Variants in ZNF442 observed in about 807,000 individuals in gnomAD.
The protein encoded by ZNF442 is zinc finger protein 442.
ZNF442 carries 45 observed loss-of-function variants against 57.0 expected under a neutral mutation model. The ratio of observed to expected loss-of-function variants is 0.79; its 90% CI spans 0.62 to 1.01. The LOEUF (loss-of-function observed/expected upper bound fraction) is 1.01. ZNF442 is among the 50% of genes least tolerant of loss of function. The pLI is 0.00. For missense variants in ZNF442, 690 were observed against 756.5 expected, an observed-to-expected ratio of 0.91 and a Z score of 1.03; for synonymous variants, 213 against 241.8, an observed-to-expected ratio of 0.88 and a Z score of 1.10.
chr19:12,355,606 G>A lies in ZNF442; in HGVS notation c.79-2492C>T, dbSNP rs901784559. 7.3e-5 allele frequency among the ~76,000 whole-genome samples: 11 copies of A among 150,192 alleles called. 1 individual carries two copies. The highest frequency in any genetic ancestry group is 1.7e-4 in the African/African-American group (7 of 41,126). Reference sequence around the variant, plus strand: ...GAACTCCTGACCTCGTGATCTGCCCGCCTCAGCCTCCCAAAGTGCTGGGAT... The same window carrying A: ...GAACTCCTGACCTCGTGATCTGCCCACCTCAGCCTCCCAAAGTGCTGGGAT... On this transcript the variant is annotated intron_variant, in intron 3 of 5. Transcript: ENST00000242804.
At chr19:12,361,953 C>T (rs548152476) in intron 3 of ZNF442, among the ~76,000 whole-genome samples, 1 of 152,218 alleles carries the variant, frequency 6.6e-6, no homozygotes, top group African/African-American at 2.4e-5. Flanking sequence ...AGCTCCTAAC[C>T]GCGAGTGATC....
intron 4 of ZNF442, among the ~76,000 whole-genome samples, chr19:12,352,309 C>T (rs1360026656): frequency 1.3e-5 from 2 of 152,156 alleles, no homozygotes; most frequent in African/African-American, 2.4e-5. Flanking sequence ...CCTCCGCTTC[C>T]TGGGTTCAAG....
At chr19:12,360,011 C>T (rs1969397330) in intron 3 of ZNF442, among the ~76,000 whole-genome samples, 1 of 152,022 alleles carries the variant, frequency 6.6e-6, no homozygotes, top group Non-Finnish European at 1.5e-5. Flanking sequence ...CACCCTCCAT[C>T]CTGCCCTCCC....
At chr19:12,372,664 A>G in the ZNF442 span, among the ~76,000 whole-genome samples, 2 of 152,244 alleles carry the variant, frequency 1.3e-5, no homozygotes, top group Admixed American at 1.3e-4. Flanking sequence ...TCCATAGTCC[A>G]GATCCACTTT....
chr19:12,352,730 A>C (rs544511184), intron 4 of ZNF442, among the ~76,000 whole-genome samples: 2 of 152,344 alleles, frequency 1.3e-5, no homozygotes, highest in South Asian at 2.1e-4. Context: ...ATAGTATGCA[A>C]TATATGTGAC....
rs767084851 is a variant in ZNF442 at position 12,350,249 on chromosome 19, T to C, written c.1336A>G (p.Ser446Gly). The part of the protein sequence containing the change: ...KECGKAFRIS[S>G]SLRRHETTHT... Reference sequence around the variant, plus strand: ...GTTGTTTCATGTCTTCGAAGGGAACTAGAAATACGGAAGGCTTTACCACAT... The same window carrying C: ...GTTGTTTCATGTCTTCGAAGGGAACCAGAAATACGGAAGGCTTTACCACAT... Residue 446 changes from serine to glycine, a missense_variant, in exon 6 of 6, where the codon AGT (serine) becomes GGT (glycine). Physicochemically the swap from Ser to Gly is moderately conservative, Grantham distance 56. Transcript: ENST00000242804. The C allele has an allele frequency of 1.9e-6, 3 of 1,613,744 alleles. No individual in the cohort carries two copies. The highest frequency in any genetic ancestry group is 1.1e-5 in the South Asian group (1 of 91,068).
In ZNF442 at chr19:12,349,785, A is replaced by G; in HGVS notation, c.1800T>C (p.His600=). 1 of 1,614,162 alleles carries G rather than the reference A, an allele frequency of 6.2e-7. No homozygotes were observed. Among genetic ancestry groups the G allele is most frequent in the Non-Finnish European group, 8.5e-7 (1 of 1,180,014 alleles). ...HEKTHTGEKM[H]ECKECGKALS... is the part of the protein sequence containing the mutation. ...GTGCCTTCCCACATTCCTTACATTC[A>G]TGCATCTTCTCTCCAGTGTGAGTTT... Residue 600 remains histidine, a synonymous_variant, in exon 6 of 6, where the codon CAT becomes CAC. Transcript: ENST00000242804.
rs1316734904 is a variant in ZNF442, at chr19:12,348,277, A to C, written c.*1424T>G. The C allele has an allele frequency of 1.3e-5, 2 of 152,196 alleles. No individual in the cohort carries two copies. The highest frequency in any genetic ancestry group is 2.9e-5 in the Non-Finnish European group (2 of 68,082). The allele number at this position is 152,196 out of a possible 1,614,324, so 9.4% of individuals were successfully genotyped here. On this transcript the variant is annotated 3_prime_UTR_variant, in exon 6 of 6. Transcript: ENST00000242804. ...AGAATCGCTTGAATCTGGGAGGTGG[A>C]GGTTGCAGTGAGTCGAGATCGCGCC...
rs1331942450 is a variant in ZNF442 at position 12,350,827 on chromosome 19, A to C, written c.758T>G (p.Leu253Arg). 5 of 1,613,380 alleles carry C rather than the reference A, an allele frequency of 3.1e-6. No individual in the cohort carries two copies. In the African/African-American group the frequency reaches 4.0e-5, roughly 13 times the overall value. Residue 253 changes from leucine (L) to arginine (R), a missense_variant, in exon 6 of 6, where the codon CTA (leucine) becomes CGA (arginine). Transcript: ENST00000242804. ...CCCAGTGTGTGTTCTTTCATGTCTT[A>C]GATAGGAACTGTAAATAGGGAAGGC... ...CKAFPIYSSY[L>R]RHERTHTGEK...
intron 3 of ZNF442, among the ~76,000 whole-genome samples, chr19:12,355,099 G>A (rs1345589839): frequency 1.3e-5 from 2 of 151,882 alleles, no homozygotes; most frequent in Admixed American, 1.3e-4. Flanking sequence ...AGACCATCCT[G>A]GCTAACACAG....
chr19:12,363,821 T>C, intron 2 of ZNF442, 150 bp from the exon 3 acceptor site: 2 of 604,054 alleles, frequency 3.3e-6, no homozygotes, highest in Admixed American at 2.7e-5. Context: ...CTGGGAGAAA[T>C]GACCCAGGGA....
chr19:12,353,652 C>A (rs1201953489), intron 3 of ZNF442, among the ~76,000 whole-genome samples: 1 of 152,074 alleles, frequency 6.6e-6, no homozygotes, highest in African/African-American at 2.4e-5. Context: ...TTGTTACATG[C>A]TCAGCAGTGG....
Position 12,349,807 on chromosome 19 carries a change from G to A in ZNF442, c.1778C>T (p.Thr593Ile). The A allele has an allele frequency of 6.2e-7, 1 of 1,614,042 alleles. No individual in the cohort carries two copies. The highest frequency in any genetic ancestry group is 8.5e-7 in the Non-Finnish European group (1 of 1,179,994). ...RSRFLRGHEK[T>I]HTGEKMHECK... The stretch of plus-strand genomic sequence containing the variant: ...TTCATGCATCTTCTCTCCAGTGTGA[G>A]TTTTTTCATGTCCTCGAAGGAAACG... The change falls in exon 6 of 6, where the codon ACT becomes ATT. Residue 593 changes from threonine to isoleucine, a missense_variant. Physicochemically the swap from Thr to Ile is moderately conservative, Grantham distance 89. Coordinates refer to ENST00000242804, the MANE Select transcript of ZNF442 (RefSeq NM_030824.3).
chr19:12,373,298 G>C, the ZNF442 span, among the ~76,000 whole-genome samples: 10 of 152,110 alleles, frequency 6.6e-5, no homozygotes, highest in African/African-American at 9.7e-5. Context: ...CCAGTACTTT[G>C]GGAGGCCACA....
intron 3 of ZNF442, among the ~76,000 whole-genome samples, chr19:12,360,310 C>G (rs1969401798): frequency 1.3e-5 from 2 of 152,196 alleles, no homozygotes; most frequent in Non-Finnish European, 2.9e-5. Context: ...CAACCTCAAA[C>G]AGGGAATCAC....
At chr19:12,361,023 C>T (rs1969416440) in intron 3 of ZNF442, among the ~76,000 whole-genome samples, 1 of 152,100 alleles carries the variant, frequency 6.6e-6, no homozygotes, top group African/African-American at 2.4e-5. Context: ...GAAACCCCAT[C>T]TCTACTAAAA....
upstream of ZNF442, among the ~76,000 whole-genome samples, chr19:12,369,444 C>T (rs1013507605): frequency 3.4e-4 from 51 of 151,946 alleles, no homozygotes; most frequent in African/African-American, 1.2e-3. Context: ...CATGGAGAAA[C>T]CCCATCTCTA....
chr19:12,364,045 G>GT (rs899504061), intron 2 of ZNF442, among the ~76,000 whole-genome samples: 1 of 152,012 alleles, frequency 6.6e-6, no homozygotes, highest in Non-Finnish European at 1.5e-5. Context: ...TTGTTTTTTT[G>GT]TTTTTTACAG....
chr19:12,352,648 C>G (rs532119983), intron 4 of ZNF442, among the ~76,000 whole-genome samples: 1 of 152,146 alleles, frequency 6.6e-6, no homozygotes, highest in African/African-American at 2.4e-5. Flanking sequence ...ACTTAATGCA[C>G]AGTAAATACA....
Sources: gnomAD v4.1 joint callset for allele counts (sites outside exome capture counted in the v4.1 genomes callset) on GRCh38, gnomAD v4.1.1 for gene constraint, MANE v1.5 for transcripts, NCBI Gene and HGNC (gene_info 2026-07-23, HGNC 2026-07-21) for gene names.